The following DPYD variants were observed in gnomAD, a reference collection of about 807,000 sequenced individuals.
DPYD encodes the protein dihydropyrimidine dehydrogenase [NADP(+)].
DPYD carries 109 observed loss-of-function variants against 116.2 expected under a neutral mutation model. The ratio of observed to expected loss-of-function variants is 0.94; its 90% confidence interval spans 0.80 to 1.10. The LOEUF is 1.10. DPYD is among the 50% of genes least tolerant of loss of function. The pLI is 0.00. For synonymous variants in DPYD, 440 were observed against 432.0 expected, an observed-to-expected ratio of 1.02 and a Z score of -0.23; for missense variants, 1,302 against 1,254.5, an observed-to-expected ratio of 1.04 and a Z score of -0.57.
At chr1:97,805,791 G>A (rs1668053932) in intron 3 of DPYD, among the ~76,000 whole-genome samples, 1 of 151,782 alleles carries the variant, frequency 6.6e-6, no homozygotes, top group Non-Finnish European at 1.5e-5. Context: ...CACAGGCGGA[G>A]GGGTGTTATA....
chr1:97,176,725 C>G (rs1351914801), intron 20 of DPYD, among the ~76,000 whole-genome samples: 7 of 151,946 alleles, frequency 4.6e-5, no homozygotes, highest in African/African-American at 1.7e-4. Context: ...TGTGTAGGGT[C>G]CACAGGGAGG....
At chr1:97,332,143 C>A (rs948039611) in intron 16 of DPYD, among the ~76,000 whole-genome samples, 1 of 152,152 alleles carries the variant, frequency 6.6e-6, no homozygotes, top group African/African-American at 2.4e-5. Flanking sequence ...GAGTCATACA[C>A]CCTTCTTGTC....
At chr1:97,594,634 G>A (rs1474484496) in intron 9 of DPYD, among the ~76,000 whole-genome samples, 1 of 151,966 alleles carries the variant, frequency 6.6e-6, no homozygotes, top group African/African-American at 2.4e-5. Flanking sequence ...AAAGTGATAG[G>A]GTGTCTATCA....
intron 12 of DPYD, among the ~76,000 whole-genome samples, chr1:97,520,944 A>G (rs900198722): frequency 6.6e-6 from 1 of 152,152 alleles, no homozygotes; most frequent in African/African-American, 2.4e-5. Context: ...ATGTGTGTGC[A>G]TATCTCTTTA....
intron 2 of DPYD, among the ~76,000 whole-genome samples, chr1:97,830,143 T>C (rs1435650906): frequency 6.6e-6 from 1 of 152,184 alleles, no homozygotes; most frequent in Non-Finnish European, 1.5e-5. Context: ...TAATCCAGTT[T>C]ATCATTGATG....
At chr1:97,373,195 C>T (rs760496724) in intron 16 of DPYD, among the ~76,000 whole-genome samples, 18 of 152,140 alleles carry the variant, frequency 1.2e-4, no homozygotes, top group Non-Finnish European at 2.2e-4. Context: ...AAAATCACTA[C>T]GAACAATGCA....
At position 97,547,096 on chromosome 1, in the gene DPYD, G is replaced by C. The variant is rs1372363157; in HGVS notation, c.1524+2464C>G. On this transcript the variant is annotated intron_variant, in intron 12 of 22. Coordinates refer to ENST00000370192, the MANE Select transcript of DPYD (RefSeq NM_000110.4). ...TAGTTTTTTTACTCTAGAAATGGGTGCATAATATAACTAGGCAGTGGCAGT... is the reference window on the plus strand; with the variant it reads ...TAGTTTTTTTACTCTAGAAATGGGTCCATAATATAACTAGGCAGTGGCAGT... The C allele has an allele frequency of 4.7e-6, 4 of 849,232 alleles. No homozygotes were observed. In the Admixed American group the frequency reaches 6.9e-5, roughly 15 times the overall value. 52.6% of individuals were successfully genotyped at this position (849,232 alleles called of 1,614,324 possible). A position where few individuals can be genotyped will look rare whatever the true frequency, so the allele number is the denominator to read the frequency against.
At chr1:97,455,940 C>G (rs1676658422) in intron 13 of DPYD, among the ~76,000 whole-genome samples, 2 of 151,774 alleles carry the variant, frequency 1.3e-5, no homozygotes, top group Admixed American at 1.3e-4. Flanking sequence ...GAACTTCAGA[C>G]CTATCTACAT....
At chr1:97,575,298 G>C (rs563551659) in intron 10 of DPYD, among the ~76,000 whole-genome samples, 30 of 152,078 alleles carry the variant, frequency 2.0e-4, no homozygotes, top group Non-Finnish European at 4.0e-4. Context: ...ATTAATTCTT[G>C]GGGGAAAGAA....
At chr1:97,621,188 C>T (rs1303505598) in intron 8 of DPYD, among the ~76,000 whole-genome samples, 1 of 152,010 alleles carries the variant, frequency 6.6e-6, no homozygotes, top group Non-Finnish European at 1.5e-5. Flanking sequence ...CAGAAACATG[C>T]TAAGTATCTG....
intron 3 of DPYD, among the ~76,000 whole-genome samples, chr1:97,751,682 T>C (rs1384722474): frequency 2.0e-5 from 3 of 151,376 alleles, no homozygotes; most frequent in Admixed American, 6.6e-5. Context: ...GGTAGGAAGA[T>C]TGCTTGAGCC....
chr1:97,896,209 C>A (rs971333975), intron 1 of DPYD, among the ~76,000 whole-genome samples: 1 of 151,612 alleles, frequency 6.6e-6, no homozygotes, highest in African/African-American at 2.4e-5. Flanking sequence ...TCAAATTAAT[C>A]AAAAATGACA....
At chr1:97,433,832 T>C (rs1447614510) in intron 14 of DPYD, among the ~76,000 whole-genome samples, 2 of 152,156 alleles carry the variant, frequency 1.3e-5, no homozygotes, top group African/African-American at 4.8e-5. Flanking sequence ...GGAATAATTA[T>C]AGTCGAGGTA....
At chr1:97,548,496 G>A (rs1651075007) in intron 12 of DPYD, among the ~76,000 whole-genome samples, 2 of 152,142 alleles carry the variant, frequency 1.3e-5, no homozygotes, top group African/African-American at 4.8e-5. Flanking sequence ...CAGCACTTTG[G>A]GAGGCTGAGG....
intron 14 of DPYD, among the ~76,000 whole-genome samples, chr1:97,387,108 T>C (rs1352513344): frequency 6.6e-6 from 1 of 152,150 alleles, no homozygotes; most frequent in East Asian, 1.9e-4. Flanking sequence ...TTATGCCATT[T>C]CTAGTGCTCA....
At chr1:97,227,240 T>C (rs1661231728) in intron 19 of DPYD, among the ~76,000 whole-genome samples, 1 of 138,374 alleles carries the variant, frequency 7.2e-6, no homozygotes, top group Admixed American at 7.9e-5. Context: ...GGCAGGAAAA[T>C]GGCTTGAATC....
At chr1:97,796,898 A>G (rs1667599126) in intron 3 of DPYD, 1 of 152,084 alleles carries the variant, frequency 6.6e-6, no homozygotes, top group Admixed American at 6.6e-5. Context: ...TACCATAGAG[A>G]AGGAATGTTT....
At chr1:97,629,160 C>T (rs1365430614) in intron 8 of DPYD, among the ~76,000 whole-genome samples, 2 of 152,102 alleles carry the variant, frequency 1.3e-5, no homozygotes, top group East Asian at 1.9e-4. Context: ...ATCAGTAAAT[C>T]CTATCGGTCT....
At chr1:97,591,034 A>C (rs1433096274) in intron 10 of DPYD, among the ~76,000 whole-genome samples, 2 of 152,204 alleles carry the variant, frequency 1.3e-5, no homozygotes, top group Non-Finnish European at 2.9e-5. Flanking sequence ...TATTCTGATG[A>C]TACTGGCGTT....
Sources: gnomAD v4.1 joint callset for allele counts (sites outside exome capture counted in the v4.1 genomes callset) on GRCh38, gnomAD v4.1.1 for gene constraint, MANE v1.5 for transcripts, NCBI Gene and HGNC (gene_info 2026-07-23, HGNC 2026-07-21) for gene names.